CNOT10: variants seen among roughly 807,000 people sequenced by gnomAD.
CNOT10 encodes CCR4-NOT transcription complex, subunit 10.
Under a neutral mutation model 94.6 loss-of-function variants are expected in CNOT10, and 30 were observed. The ratio of observed to expected loss-of-function variants is 0.32; its 90% CI spans 0.24 to 0.43. The LOEUF (loss-of-function observed/expected upper bound fraction) is 0.43. Ranked by LOEUF, CNOT10 falls within the 20% of genes least tolerant of loss-of-function variation. The probability of loss-of-function intolerance (pLI) is 1.00; values close to 1 mark genes in which losing one functional copy is unlikely to be tolerated. For synonymous variants in CNOT10, 289 were observed against 301.6 expected (o/e 0.96, Z 0.43); for missense variants, 759 against 877.2 (o/e 0.87, Z 1.70).
chr3:32,721,003 G>C (rs552554915), intron 8 of CNOT10, among the ~76,000 whole-genome samples: 2 of 91,430 alleles, frequency 2.2e-5, no homozygotes, highest in Non-Finnish European at 4.2e-5. Context: ...CCTTCCTTCT[G>C]TTCCCTTCCC....
chr3:32,763,413 G>A (rs2125638131), intron 15 of CNOT10, among the ~76,000 whole-genome samples: 1 of 152,306 alleles, frequency 6.6e-6, no homozygotes, highest in Non-Finnish European at 1.5e-5. Flanking sequence ...CACTTTGGGA[G>A]GCCGAGGCAG....
At chr3:32,696,982 G>T (rs1421140699) in intron 1 of CNOT10, among the ~76,000 whole-genome samples, 58 of 142,990 alleles carry the variant, frequency 4.1e-4, no homozygotes, top group African/African-American at 1.3e-3. Flanking sequence ...ATGGAGTCTC[G>T]CTCTGTCACC....
At chr3:32,691,947 G>C (rs1370941741) in intron 1 of CNOT10, among the ~76,000 whole-genome samples, 2 of 151,688 alleles carry the variant, frequency 1.3e-5, no homozygotes, top group Non-Finnish European at 2.9e-5. Flanking sequence ...CTACAAGGGA[G>C]GGTGAGGTGG....
intron 13 of CNOT10, among the ~76,000 whole-genome samples, chr3:32,744,449 T>C (rs1419140936): frequency 6.6e-6 from 1 of 152,174 alleles, no homozygotes; most frequent in Non-Finnish European, 1.5e-5. Flanking sequence ...TTATAGCCCC[T>C]TGAGTATTTT....
intron 1 of CNOT10, among the ~76,000 whole-genome samples, chr3:32,692,188 C>T (rs1439531395): frequency 1.3e-5 from 2 of 152,004 alleles, no homozygotes; most frequent in Admixed American, 6.6e-5. Context: ...ATGGTAAAAC[C>T]CTGTCTCTAC....
At chr3:32,689,626 G>T (rs1017674563) in intron 1 of CNOT10, among the ~76,000 whole-genome samples, 1 of 152,126 alleles carries the variant, frequency 6.6e-6, no homozygotes, top group Non-Finnish European at 1.5e-5. Flanking sequence ...TGTGTTAGTT[G>T]TGTTCTAGCT....
chr3:32,723,746 A>G (rs553339167), intron 8 of CNOT10, among the ~76,000 whole-genome samples: 3 of 152,298 alleles, frequency 2.0e-5, no homozygotes, highest in African/African-American at 7.2e-5. Flanking sequence ...ATAACATGTA[A>G]AACAACTAGT....
At chr3:32,748,587 A>ACCCAC (rs1243526989) in intron 13 of CNOT10, among the ~76,000 whole-genome samples, 1 of 152,084 alleles carries the variant, frequency 6.6e-6, no homozygotes. Flanking sequence ...GTCTTGGCTC[A>ACCCAC]CTGCAACCCC....
intron 7 of CNOT10, 50 bp downstream of exon 7, chr3:32,717,287 G>GACT: frequency 9.2e-7 from 1 of 1,085,758 alleles, no homozygotes; most frequent in Non-Finnish European, 1.4e-6. Flanking sequence ...TTCTTATTTA[G>GACT]ACTATGGGTA....
chr3:32,764,711 A>G lies in CNOT10; in HGVS notation c.1906A>G (p.Ser636Gly), dbSNP rs542263665. The G allele has an allele frequency of 3.7e-6, 6 of 1,614,040 alleles. No homozygotes were observed. The highest frequency in any genetic ancestry group is 5.1e-6 in the Non-Finnish European group (6 of 1,180,042). ...SGKRAPQCYPSSVNSARTVML... is the reference protein window; with the variant it reads ...SGKRAPQCYPGSVNSARTVML... ...TAAGCGGGCCCCTCAGTGCTACCCC[A>G]GTTCCGTCAACTCTGCCAGGACTGT... The change falls in exon 17 of 19, where the codon AGT becomes GGT. Residue 636 changes from serine to glycine, a missense_variant. Physicochemically the swap from Ser to Gly is moderately conservative, Grantham distance 56. Transcript: ENST00000328834.
chr3:32,696,091 G>A (rs1303436082), intron 1 of CNOT10, among the ~76,000 whole-genome samples: 2 of 151,264 alleles, frequency 1.3e-5, no homozygotes, highest in East Asian at 1.9e-4. Context: ...CGAGGCAGGC[G>A]GATCACTTGA....
intron 12 of CNOT10, 124 bp downstream of exon 12, chr3:32,735,100 C>G: frequency 1.3e-6 from 1 of 797,364 alleles, no homozygotes; most frequent in Non-Finnish European, 2.0e-6. Flanking sequence ...TTTTGCGTAA[C>G]AAGAAAGGAA....
At chr3:32,687,888 G>A (rs898229456) in intron 1 of CNOT10, among the ~76,000 whole-genome samples, 1 of 152,146 alleles carries the variant, frequency 6.6e-6, no homozygotes, top group Admixed American at 6.5e-5. Flanking sequence ...GAGCCGTAGT[G>A]TCCTTTCTCT....
At chr3:32,697,278 C>T (rs1452053799) in intron 1 of CNOT10, among the ~76,000 whole-genome samples, 2 of 152,122 alleles carry the variant, frequency 1.3e-5, no homozygotes, top group Non-Finnish European at 2.9e-5. Context: ...GGGTTGCTAA[C>T]AGCAGTGGCC....
At chr3:32,754,570 A>G (rs1575294729) in intron 13 of CNOT10, among the ~76,000 whole-genome samples, 1 of 107,758 alleles carries the variant, frequency 9.3e-6, no homozygotes, top group South Asian at 3.9e-4. Flanking sequence ...TCCACGCTGG[A>G]GTGCAGTGGT....
chr3:32,686,004 C>G (rs944064001), intron 1 of CNOT10, among the ~76,000 whole-genome samples: 16 of 152,106 alleles, frequency 1.1e-4, no homozygotes, highest in African/African-American at 3.9e-4. Flanking sequence ...TCTCGAACTT[C>G]TGGGCCCAAG....
intron 10 of CNOT10, chr3:32,731,049 G>A (rs1698921256): frequency 6.6e-6 from 1 of 152,044 alleles, no homozygotes; most frequent in African/African-American, 2.4e-5. Context: ...CATGGCCTTA[G>A]CAATAAGAAA....
At chr3:32,736,733 C>G (rs1197217579) in intron 12 of CNOT10, among the ~76,000 whole-genome samples, 1 of 152,070 alleles carries the variant, frequency 6.6e-6, no homozygotes, top group Non-Finnish European at 1.5e-5. Context: ...TATGATCATG[C>G]CACACTGCAC....
At chr3:32,758,519 A>G (rs1363620649) in intron 13 of CNOT10, among the ~76,000 whole-genome samples, 1 of 152,340 alleles carries the variant, frequency 6.6e-6, no homozygotes, top group South Asian at 2.1e-4. Flanking sequence ...TACTGGTTAC[A>G]TTCTTCCTTA....
Sources: allele counts gnomAD v4.1 joint callset (sites outside exome capture counted in the v4.1 genomes callset), GRCh38; gene constraint gnomAD v4.1.1; transcripts MANE v1.5; gene names NCBI Gene and HGNC (gene_info 2026-07-23, HGNC 2026-07-21).